The following CDKN3 variants were observed in gnomAD, a reference collection of about 807,000 sequenced individuals.
CDKN3 encodes the protein cyclin dependent kinase inhibitor 3.
In CDKN3, 19 loss-of-function variants were observed where a neutral mutation model predicts 36.1. The ratio of observed to expected loss-of-function variants is 0.53; its 90% CI spans 0.37 to 0.77. CDKN3 has a LOEUF of 0.77. Among genes scored for constraint, CDKN3 ranks in the 30% least tolerant of loss-of-function variants. The pLI, the probability that CDKN3 is intolerant of heterozygous loss-of-function variation, is 0.00. For missense variants in CDKN3, 188 were observed against 248.6 expected, an observed-to-expected ratio of 0.76 and a Z score of 1.64; for synonymous variants, 71 against 85.3, an observed-to-expected ratio of 0.83 and a Z score of 0.92.
chr14:54,419,517 T>A (rs1301536336), intron 7 of CDKN3, among the ~76,000 whole-genome samples: 2 of 152,218 alleles, frequency 1.3e-5, no homozygotes, highest in Non-Finnish European at 2.9e-5. Flanking sequence ...TTTTAAAAAA[T>A]ATTGTCTATG....
intron 6 of CDKN3, among the ~76,000 whole-genome samples, chr14:54,417,222 A>G (rs923162277): frequency 6.6e-6 from 1 of 152,246 alleles, no homozygotes; most frequent in African/African-American, 2.4e-5. Context: ...AGCATTAATC[A>G]TAATAGCCAA....
At chr14:54,402,849 C>T (rs977234631) in intron 3 of CDKN3, among the ~76,000 whole-genome samples, 6 of 152,134 alleles carry the variant, frequency 3.9e-5, no homozygotes, top group Non-Finnish European at 7.4e-5. Flanking sequence ...TGTCAAAGAT[C>T]AGATGGTTAT....
chr14:54,411,403 T>C, intron 4 of CDKN3, 81 bp from the exon 5 acceptor site: 1 of 1,099,964 alleles, frequency 9.1e-7, no homozygotes. Flanking sequence ...GAAATTTAAT[T>C]TCATATTCTC....
At chr14:54,412,662 A>G (rs1230112983) in intron 5 of CDKN3, among the ~76,000 whole-genome samples, 1 of 152,194 alleles carries the variant, frequency 6.6e-6, no homozygotes, top group Non-Finnish European at 1.5e-5. Context: ...GGCAATGGGC[A>G]GTAGATAGTA....
In CDKN3 at chr14:54,397,029, A is replaced by C; in HGVS notation, c.-40A>C. 6.8e-7 allele frequency: 1 copy of C among 1,472,002 alleles called. No individual in the cohort carries two copies. The highest frequency in any genetic ancestry group is 2.5e-5 in the Admixed American group (1 of 40,362). The allele number at this position is 1,472,002 out of a possible 1,614,324, so 91.2% of individuals were successfully genotyped here. On this transcript the variant is annotated 5_prime_UTR_variant, in exon 1 of 8. Transcript: ENST00000335183. ...GGCACCGGTGAGTCGCCGGCGCTGC[A>C]GAGGGAGGCGGCACTGGTCTCGACG...
chr14:54,397,051 G>T lies in CDKN3; in HGVS notation c.-18G>T. On this transcript the variant is annotated 5_prime_UTR_variant, in exon 1 of 8. Coordinates refer to ENST00000335183, the MANE Select transcript of CDKN3 (RefSeq NM_005192.4). ...TGCAGAGGGAGGCGGCACTGGTCTC[G>T]ACGTGGGGCGGCCAGCGATGAAGCC... 8 of 1,498,808 alleles carry T rather than the reference G, an allele frequency of 5.3e-6. No homozygotes were observed. Among genetic ancestry groups the T allele is most frequent in the Non-Finnish European group, 7.1e-6 (8 of 1,121,480 alleles). 92.8% of individuals were successfully genotyped at this position (1,498,808 alleles called of 1,614,324 possible).
rs754691119 is a variant in CDKN3 at position 54,415,958 on chromosome 14, T to C, written c.448+28T>C. 4 of 1,509,116 alleles carry C rather than the reference T, an allele frequency of 2.7e-6. No homozygotes were observed. The Admixed American group carries it at 6.7e-5, about 25-fold the overall frequency. 93.5% of individuals were successfully genotyped at this position (1,509,116 alleles called of 1,614,324 possible). A position where few individuals can be genotyped will look rare whatever the true frequency, so the allele number is the denominator to read the frequency against. The stretch of plus-strand genomic sequence containing the variant: ...AAGAAATATATTTCTATTATTTTTT[T>C]AACCGCCAAATAGACAAACTTCTGT... On this transcript the variant is annotated intron_variant, in intron 6 of 7. Coordinates refer to ENST00000335183, the MANE Select transcript of CDKN3 (RefSeq NM_005192.4).
rs138264258 is a variant in CDKN3, at chr14:54,412,785, C to T, written c.416+1079C>T. On this transcript the variant is annotated intron_variant, in intron 5 of 7. Transcript: ENST00000335183. The stretch of plus-strand genomic sequence containing the variant: ...CCATGGGGAGGAAACTGGACTTTGC[C>T]GTGCATAATGTATATTTCATATTCT... 127 of 444,048 alleles carry T rather than the reference C, an allele frequency of 2.9e-4. 3 individuals carry two copies. The East Asian group carries it at 6.5e-3, about 23-fold the overall frequency. 27.5% of individuals were successfully genotyped at this position (444,048 alleles called of 1,614,324 possible).
At chr14:54,414,740 G>T (rs1000828314) in intron 5 of CDKN3, among the ~76,000 whole-genome samples, 5 of 146,416 alleles carry the variant, frequency 3.4e-5, no homozygotes, top group Non-Finnish European at 7.5e-5. Context: ...GGAGAGACAG[G>T]GTCTCACTTT....
At chr14:54,415,796 C>G in intron 5 of CDKN3, 103 bp from the exon 6 acceptor site, 1 of 822,922 alleles carries the variant, frequency 1.2e-6, no homozygotes, top group Non-Finnish European at 2.2e-6. Context: ...AGGCACTGTG[C>G]TAGGCATTAG....
At chr14:54,402,368 C>T (rs1190153827) in intron 3 of CDKN3, among the ~76,000 whole-genome samples, 4 of 148,904 alleles carry the variant, frequency 2.7e-5, no homozygotes, top group African/African-American at 9.9e-5. Flanking sequence ...TTTTATTATA[C>T]TTTACAACCC....
At chr14:54,419,554 TCA>T (rs1395904400) in intron 7 of CDKN3, among the ~76,000 whole-genome samples, 1 of 152,180 alleles carries the variant, frequency 6.6e-6, no homozygotes, top group Non-Finnish European at 1.5e-5. Flanking sequence ...CATTATGTCA[TCA>T]CAAAAAAGCA....
chr14:54,406,692 G>C (rs929001293), intron 3 of CDKN3, among the ~76,000 whole-genome samples: 1 of 151,674 alleles, frequency 6.6e-6, no homozygotes, highest in Non-Finnish European at 1.5e-5. Context: ...GCTCCATCAG[G>C]TCATTTATGT....
intron 7 of CDKN3, among the ~76,000 whole-genome samples, chr14:54,418,882 A>G (rs2030637995): frequency 6.6e-6 from 1 of 152,162 alleles, no homozygotes; most frequent in Non-Finnish European, 1.5e-5. Context: ...CGATGCGGCC[A>G]GGCGCGGTGG....
intron 4 of CDKN3, chr14:54,411,261 G>T: frequency 4.5e-6 from 2 of 447,108 alleles, no homozygotes; most frequent in Non-Finnish European, 8.0e-6. Context: ...AACAGCAATT[G>T]ACTTATTTTG....
intron 5 of CDKN3, chr14:54,412,759 G>A: frequency 2.4e-6 from 1 of 414,196 alleles, no homozygotes; most frequent in Admixed American, 2.6e-5. Flanking sequence ...CAGAGAGCCA[G>A]CCATGGGGAG....
intron 5 of CDKN3, among the ~76,000 whole-genome samples, chr14:54,412,527 G>T (rs1179646612): frequency 6.6e-6 from 1 of 152,156 alleles, no homozygotes; most frequent in East Asian, 1.9e-4. Flanking sequence ...GCCTCTCATT[G>T]TGTGTCAGTG....
At chr14:54,408,072 CAT>C (rs1364359533) in intron 3 of CDKN3, among the ~76,000 whole-genome samples, 8 of 152,190 alleles carry the variant, frequency 5.3e-5, no homozygotes, top group Non-Finnish European at 1.0e-4. Flanking sequence ...TTGCTATAAA[CAT>C]GTGTGTGCAA....
intron 6 of CDKN3, among the ~76,000 whole-genome samples, 179 bp from the exon 7 acceptor site, chr14:54,417,669 C>T (rs181869460): frequency 8.5e-5 from 13 of 152,278 alleles, no homozygotes; most frequent in African/African-American, 2.4e-4. Context: ...TTCAACCATA[C>T]GGTCATTTAA....
Sources: allele counts gnomAD v4.1 joint callset (sites outside exome capture counted in the v4.1 genomes callset), GRCh38; gene constraint gnomAD v4.1.1; transcripts MANE v1.5; gene names NCBI Gene and HGNC (gene_info 2026-07-23, HGNC 2026-07-21).